The following ITGA11 variants were observed in gnomAD, a reference collection of about 807,000 sequenced individuals.
ITGA11 encodes integrin alpha-11.
ITGA11 carries 97 observed loss-of-function variants against 141.9 expected under a neutral mutation model. That is an observed-to-expected ratio of 0.68 (90% CI 0.58 to 0.81). The LOEUF (loss-of-function observed/expected upper bound fraction) is 0.81. Among genes scored for constraint, ITGA11 ranks in the 30% least tolerant of loss-of-function variants. The pLI, the probability that ITGA11 is intolerant of heterozygous loss-of-function variation, is 0.00. For synonymous variants in ITGA11, 658 were observed against 624.6 expected, an observed-to-expected ratio of 1.05 and a Z score of -0.80; for missense variants, 1,387 against 1,559.2, an observed-to-expected ratio of 0.89 and a Z score of 1.86.
intron 1 of ITGA11, among the ~76,000 whole-genome samples, chr15:68,416,791 C>A (rs1399050315): frequency 1.3e-5 from 2 of 152,132 alleles, no homozygotes; most frequent in Non-Finnish European, 2.9e-5. Flanking sequence ...TGGCAGGCAT[C>A]TGTAATCCCA....
At chr15:68,320,020 G>A (rs755852007) in intron 20 of ITGA11, among the ~76,000 whole-genome samples, 165 bp downstream of exon 20, 3 of 152,056 alleles carry the variant, frequency 2.0e-5, no homozygotes. Flanking sequence ...AAACTCCTGG[G>A]CTCAAGTGAT....
chr15:68,309,024 A>C (rs931841615), intron 26 of ITGA11, among the ~76,000 whole-genome samples: 2 of 152,258 alleles, frequency 1.3e-5, no homozygotes, highest in African/African-American at 4.8e-5. Flanking sequence ...GATCAGCTGC[A>C]GAAAAGAGCA....
At chr15:68,417,667 C>T (rs1896919239) in intron 1 of ITGA11, among the ~76,000 whole-genome samples, 1 of 152,194 alleles carries the variant, frequency 6.6e-6, no homozygotes, top group South Asian at 2.1e-4. Context: ...TGCTTTCTCA[C>T]TTACTACCTT....
rs1893248851 is a variant in ITGA11 at position 68,307,713 on chromosome 15, G to T, written c.3175-17C>A. On this transcript the variant is annotated splice_polypyrimidine_tract_variant and intron_variant, in intron 26 of 29. Coordinates refer to ENST00000315757, the MANE Select transcript of ITGA11 (RefSeq NM_001004439.2). This position sits in a 1 kb window ranked among gnomAD's most constrained non-coding sequence, Gnocchi z 6.1. The stretch of plus-strand genomic sequence containing the variant: ...GCTGTGATTCTGAAAGAGAAGATGG[G>T]TCTCAGGGCTGAGCTGCTGGGCTAG... 1.3e-6 allele frequency: 2 copies of T among 1,575,558 alleles called. No individual in the cohort carries two copies. The highest frequency in any genetic ancestry group is 1.7e-6 in the Non-Finnish European group (2 of 1,145,974).
At chr15:68,309,292 A>G (rs1354519906) in intron 26 of ITGA11, among the ~76,000 whole-genome samples, 1 of 152,194 alleles carries the variant, frequency 6.6e-6, no homozygotes, top group East Asian at 1.9e-4. Context: ...GAATGAGAAC[A>G]TCTGGTTATT....
At chr15:68,310,867 G>C (rs1893355588) in intron 26 of ITGA11, 127 bp downstream of exon 26, 1 of 690,582 alleles carries the variant, frequency 1.4e-6, no homozygotes, top group South Asian at 1.7e-5. Flanking sequence ...TTTGGGGCTG[G>C]GTACATACAG....
chr15:68,344,813 C>A (rs1014715219), intron 10 of ITGA11, among the ~76,000 whole-genome samples: 1 of 152,174 alleles, frequency 6.6e-6, no homozygotes, highest in Non-Finnish European at 1.5e-5. Context: ...TCTCTTCCCA[C>A]CTTGGGTGAG....
rs1170943026 is a variant in ITGA11, at chr15:68,302,048, G to A, written c.*1011C>T. The A allele has an allele frequency of 6.5e-6, 1 of 153,840 alleles. No homozygotes were observed. The highest frequency in any genetic ancestry group is 1.9e-4 in the East Asian group (1 of 5,286). The allele number at this position is 153,840 out of a possible 1,614,324, so 9.5% of individuals were successfully genotyped here. On this transcript the variant is annotated 3_prime_UTR_variant, in exon 30 of 30. Coordinates refer to ENST00000315757, the MANE Select transcript of ITGA11 (RefSeq NM_001004439.2). ...GCACTGGCGGGCATGAGGGAAGGAT[G>A]GGAGGCAGTGTGTGTGTGTGTGTGT...
intron 1 of ITGA11, among the ~76,000 whole-genome samples, chr15:68,424,047 C>T (rs1897081160): frequency 6.6e-6 from 1 of 152,238 alleles, no homozygotes; most frequent in Non-Finnish European, 1.5e-5. Flanking sequence ...CTGGCATCCT[C>T]AGCCAAATCA....
At chr15:68,343,753 A>T (rs1184438453) in intron 10 of ITGA11, among the ~76,000 whole-genome samples, 1 of 152,164 alleles carries the variant, frequency 6.6e-6, no homozygotes, top group East Asian at 1.9e-4. Flanking sequence ...TAAGGCACAT[A>T]CACCATTTAG....
intron 10 of ITGA11, among the ~76,000 whole-genome samples, chr15:68,346,231 C>G (rs77235370): frequency 0.014 from 2,152 of 152,144 alleles, 48 homozygotes; most frequent in African/African-American, 0.047. Flanking sequence ...TTGACGTGAC[C>G]GAAGTCTTGT....
intron 4 of ITGA11, among the ~76,000 whole-genome samples, chr15:68,363,711 T>C (rs995507537): frequency 1.1e-4 from 17 of 152,166 alleles, no homozygotes; most frequent in African/African-American, 4.1e-4. Context: ...TGCAACTGTT[T>C]CTAGGAACCA....
In ITGA11 at chr15:68,326,872, G is replaced by GC. The variant is rs911576190; in HGVS notation, c.2069-77dup. On this transcript the variant is annotated intron_variant, in intron 16 of 29. Coordinates refer to ENST00000315757, the MANE Select transcript of ITGA11 (RefSeq NM_001004439.2). The surrounding 1 kb of genome is among the most constrained non-coding windows in gnomAD (Gnocchi z 6.8). The stretch of plus-strand genomic sequence containing the variant: ...CAAGACTGTCTGCCTCCTCCAGGAA[G>GC]CCCCCCAGGCTGGCCAGGGGAGAGC... 7 of 1,475,928 alleles carry GC rather than the reference G, an allele frequency of 4.7e-6. No homozygotes were observed. Among genetic ancestry groups the GC allele is most frequent in the African/African-American group, 2.8e-5 (2 of 71,492 alleles). 91.4% of individuals were successfully genotyped at this position (1,475,928 alleles called of 1,614,324 possible).
intron 1 of ITGA11, among the ~76,000 whole-genome samples, chr15:68,411,827 C>T (rs1319698341): frequency 6.6e-6 from 1 of 152,134 alleles, no homozygotes; most frequent in Admixed American, 6.5e-5. Context: ...CCTTAGGATG[C>T]CTTGTCTATT....
Position 68,304,482 on chromosome 15 carries a change from A to G in ITGA11, c.3382-597T>C, listed in dbSNP as rs1475302833. ...CCATAATTTTAAATACTTTTTTCCT[A>G]TGGAGGAAGGTGTCCCAAAGGCAAA... On this transcript the variant is annotated intron_variant, in intron 28 of 29. Transcript: ENST00000315757. This position sits in a 1 kb window ranked among gnomAD's most constrained non-coding sequence, Gnocchi z 6.1. Among the ~76,000 whole-genome samples, 3 of 152,080 alleles carry G rather than the reference A, an allele frequency of 2.0e-5. No individual in the cohort carries two copies. The highest frequency in any genetic ancestry group is 1.9e-4 in the East Asian group (1 of 5,192).
At chr15:68,323,681 G>C (rs970702376) in intron 18 of ITGA11, among the ~76,000 whole-genome samples, 14 of 152,140 alleles carry the variant, frequency 9.2e-5, no homozygotes, top group African/African-American at 3.4e-4. Context: ...TTTACCTGAA[G>C]CTGCATCCTG....
At chr15:68,315,570 G>T (rs868637020) in intron 22 of ITGA11, 81 bp downstream of exon 22, 7 of 1,173,402 alleles carry the variant, frequency 6.0e-6, no homozygotes, top group East Asian at 2.5e-5. Context: ...ACTCAGTGTC[G>T]GGAGGAGCAG....
intron 1 of ITGA11, among the ~76,000 whole-genome samples, chr15:68,429,091 A>C (rs774525578): frequency 2.1e-4 from 32 of 152,320 alleles, no homozygotes; most frequent in African/African-American, 2.9e-4. Context: ...GCTGCTGCTG[A>C]TGATGTTGGA....
chr15:68,311,698 T>G lies in ITGA11; in HGVS notation c.2974-295A>C, dbSNP rs902720380. Among the ~76,000 whole-genome samples the G allele has an allele frequency of 2.0e-5, 3 of 152,248 alleles. No individual in the cohort carries two copies. The East Asian group carries it at 5.8e-4, about 29-fold the overall frequency. On this transcript the variant is annotated intron_variant, in intron 24 of 29. Coordinates refer to ENST00000315757, the MANE Select transcript of ITGA11 (RefSeq NM_001004439.2). ...AGCAGGGGCCACCTGCATTTTCAAC[T>G]CTTCTTGCCTGGGGTGGGGATTTTG...
Sources: allele counts gnomAD v4.1 joint callset (sites outside exome capture counted in the v4.1 genomes callset), GRCh38; gene constraint gnomAD v4.1.1; non-coding constraint Gnocchi (gnomAD v3.1); transcripts MANE v1.5; gene names NCBI Gene and HGNC (gene_info 2026-07-23, HGNC 2026-07-21).